The following NOVA1 variants were observed in gnomAD, a reference collection of about 807,000 sequenced individuals.
NOVA1 encodes RNA-binding protein Nova-1.
A neutral mutation model predicts 38.0 loss-of-function variants in NOVA1; 7 were observed. The ratio of observed to expected loss-of-function variants is 0.18; its 90% CI spans 0.10 to 0.35. NOVA1 has a LOEUF of 0.35. Ranked by LOEUF, NOVA1 falls within the 10% of genes least tolerant of loss-of-function variation. The pLI is 1.00. For missense variants in NOVA1, 460 were observed against 616.0 expected (o/e 0.75, Z 2.68); for synonymous variants, 270 against 232.5 (o/e 1.16, Z -1.47).
Position 26,448,690 on chromosome 14 carries a change from A to C in NOVA1, c.793T>G (p.Ser265Ala), listed in dbSNP as rs1245191107. 1 of 1,614,216 alleles carries C rather than the reference A, an allele frequency of 6.2e-7. No individual in the cohort carries two copies. Among genetic ancestry groups the C allele is most frequent in the Non-Finnish European group, 8.5e-7 (1 of 1,180,036 alleles). ...GCATAAGGAGATCCGGTTGGATTGGAATTTGCCACTGGACCTGTCACATTG... is the reference window on the plus strand; with the variant it reads ...GCATAAGGAGATCCGGTTGGATTGGCATTTGCCACTGGACCTGTCACATTG... ...YANVTGPVAN[S>A]NPTGSPYANT... is the part of the protein sequence containing the mutation. The change falls in exon 5 of 5, where the codon TCC (serine) becomes GCC (alanine). Residue 265 changes from serine (S) to alanine (A), a missense_variant. Coordinates refer to ENST00000539517, the MANE Select transcript of NOVA1 (RefSeq NM_002515.3). This position sits in a 1 kb window ranked among gnomAD's most constrained non-coding sequence, Gnocchi z 5.3.
chr14:26,542,865 T>C (rs1318475188), intron 2 of NOVA1, among the ~76,000 whole-genome samples: 1 of 151,814 alleles, frequency 6.6e-6, no homozygotes, highest in Admixed American at 6.6e-5. Context: ...CATAGTTAGC[T>C]ACAGAGACTG....
chr14:26,451,433 T>C (rs1255149791), intron 4 of NOVA1, among the ~76,000 whole-genome samples: 1 of 152,140 alleles, frequency 6.6e-6, no homozygotes, highest in East Asian at 1.9e-4. Context: ...AGTGGTGCAA[T>C]CTCGACTCAC....
rs1450105750 is a variant in NOVA1, at chr14:26,447,507, T to A, written c.*452A>T. On this transcript the variant is annotated 3_prime_UTR_variant, in exon 5 of 5. Transcript: ENST00000539517. ...TTCAAAATATTGTTTCCTACTTCAC[T>A]GTGCCCTAAGCAGGAAGTAAGACTT... The A allele has an allele frequency of 6.3e-6, 1 of 159,814 alleles. No homozygotes were observed. Among genetic ancestry groups the A allele is most frequent in the Non-Finnish European group, 1.4e-5 (1 of 72,572 alleles). The allele number at this position is 159,814 out of a possible 1,614,324, so 9.9% of individuals were successfully genotyped here.
intron 2 of NOVA1, among the ~76,000 whole-genome samples, chr14:26,511,888 C>T (rs1430790795): frequency 6.6e-6 from 1 of 152,078 alleles, no homozygotes; most frequent in Admixed American, 6.6e-5. Flanking sequence ...CTAGTAAATA[C>T]TGACCGAAAT....
rs143770527 is a variant in NOVA1 at position 26,507,636 on chromosome 14, T to A, written c.281-27493A>T. Among the ~76,000 whole-genome samples, 271 of 152,260 alleles carry A rather than the reference T, an allele frequency of 1.8e-3. 1 individual carries two copies. The highest frequency in any genetic ancestry group is 6.2e-3 in the African/African-American group (259 of 41,570). On this transcript the variant is annotated intron_variant, in intron 2 of 4. Coordinates refer to ENST00000539517, the MANE Select transcript of NOVA1 (RefSeq NM_002515.3). ...GTTTACTTCATATAAAATCACTGTG[T>A]TCTTTAGTTTGTTAGATCAAGTAAG...
intron 2 of NOVA1, among the ~76,000 whole-genome samples, chr14:26,561,342 G>A (rs1891810484): frequency 6.6e-6 from 1 of 152,202 alleles, no homozygotes; most frequent in African/African-American, 2.4e-5. Context: ...GGAATTTTTA[G>A]ATCTTTTGTT....
At chr14:26,503,806 A>G (rs1261293401) in intron 2 of NOVA1, among the ~76,000 whole-genome samples, 1 of 152,030 alleles carries the variant, frequency 6.6e-6, no homozygotes, top group African/African-American at 2.4e-5. Flanking sequence ...TTTATAACGT[A>G]GCCCTTTACT....
intron 2 of NOVA1, among the ~76,000 whole-genome samples, chr14:26,520,454 A>G (rs1226774222): frequency 6.6e-6 from 1 of 152,178 alleles, no homozygotes; most frequent in African/African-American, 2.4e-5. Context: ...AGAAACACCA[A>G]TTTAGACAGC....
intron 2 of NOVA1, among the ~76,000 whole-genome samples, chr14:26,502,257 T>C (rs1887294816): frequency 6.6e-6 from 1 of 151,908 alleles, no homozygotes; most frequent in African/African-American, 2.4e-5. Context: ...TCTTAGAACA[T>C]GAGCCTTTCT....
chr14:26,592,514 A>G (rs1003970308), intron 2 of NOVA1, among the ~76,000 whole-genome samples: 1 of 151,490 alleles, frequency 6.6e-6, no homozygotes, highest in African/African-American at 2.4e-5. Context: ...ATCTACTTGT[A>G]GATCATTTTA....
chr14:26,455,799 C>T (rs779147024), intron 4 of NOVA1, among the ~76,000 whole-genome samples: 17 of 151,810 alleles, frequency 1.1e-4, no homozygotes, highest in Non-Finnish European at 2.1e-4. Flanking sequence ...GACATAATTA[C>T]TTCACAAAAG....
At chr14:26,459,699 C>T (rs1883494587) in intron 4 of NOVA1, among the ~76,000 whole-genome samples, 1 of 151,996 alleles carries the variant, frequency 6.6e-6, no homozygotes, top group Non-Finnish European at 1.5e-5. Context: ...TAAAGTTAAT[C>T]TAGGAATAAA....
In NOVA1 at chr14:26,597,377, C is replaced by T; in HGVS notation, c.60G>A (p.Leu20=). ...NGTHTGVPID[L]DPPDSRKRPL... is the part of the protein sequence containing the mutation. Reference sequence around the variant, plus strand: ...GCCTTTTCCGCGAGTCCGGCGGGTCCAGGTCTATGGGAACCCCAGTGTGGG... The same window carrying T: ...GCCTTTTCCGCGAGTCCGGCGGGTCTAGGTCTATGGGAACCCCAGTGTGGG... The change falls in exon 1 of 5, where the codon CTG becomes CTA. Residue 20 remains leucine, a synonymous_variant. Coordinates refer to ENST00000539517, the MANE Select transcript of NOVA1 (RefSeq NM_002515.3). 1 of 1,275,246 alleles carries T rather than the reference C, an allele frequency of 7.8e-7. No individual in the cohort carries two copies. 79.0% of individuals were successfully genotyped at this position (1,275,246 alleles called of 1,614,324 possible). A position where few individuals can be genotyped will look rare whatever the true frequency, so the allele number is the denominator to read the frequency against.
At chr14:26,565,483 T>C (rs1892079989) in intron 2 of NOVA1, among the ~76,000 whole-genome samples, 1 of 152,164 alleles carries the variant, frequency 6.6e-6, no homozygotes, top group African/African-American at 2.4e-5. Context: ...TCTTTCCTTT[T>C]CTTTCACCAT....
chr14:26,591,675 T>C (rs1893849190), intron 2 of NOVA1, among the ~76,000 whole-genome samples: 2 of 151,588 alleles, frequency 1.3e-5, no homozygotes, highest in Non-Finnish European at 3.0e-5. Flanking sequence ...AATTATACAA[T>C]TCCAGTTCTA....
intron 2 of NOVA1, among the ~76,000 whole-genome samples, chr14:26,527,362 C>T (rs1889381116): frequency 6.6e-6 from 1 of 152,034 alleles, no homozygotes; most frequent in Non-Finnish European, 1.5e-5. Context: ...GGAAAGTACC[C>T]TTTGAGGATG....
intron 2 of NOVA1, among the ~76,000 whole-genome samples, chr14:26,505,146 A>G (rs1041233389): frequency 2.0e-5 from 3 of 152,204 alleles, no homozygotes; most frequent in Admixed American, 6.5e-5. Context: ...ATTATTACAT[A>G]TGTAAAGGAA....
At chr14:26,475,095 G>A (rs971493585) in intron 3 of NOVA1, among the ~76,000 whole-genome samples, 15 of 152,020 alleles carry the variant, frequency 9.9e-5, no homozygotes, top group Middle Eastern at 3.4e-3. Context: ...TACAGATAAA[G>A]CCATACAGAT....
intron 2 of NOVA1, chr14:26,593,410 T>C (rs991721120): frequency 3.3e-5 from 5 of 151,930 alleles, no homozygotes; most frequent in East Asian, 1.9e-4. Flanking sequence ...CCAGTTAAAA[T>C]TGTATTTTAA....
Sources: gnomAD v4.1 joint callset for allele counts (sites outside exome capture counted in the v4.1 genomes callset) on GRCh38, gnomAD v4.1.1 for gene constraint, Gnocchi (gnomAD v3.1) non-coding constraint, MANE v1.5 for transcripts, NCBI Gene and HGNC (gene_info 2026-07-23, HGNC 2026-07-21) for gene names.